JMY: variants seen among roughly 807,000 people sequenced by gnomAD.
The protein encoded by JMY is junction mediating and regulatory protein, p53 cofactor, also known as junction-mediating and -regulatory protein.
Under a neutral mutation model 103.3 loss-of-function variants are expected in JMY, and 46 were observed. The ratio of observed to expected loss-of-function variants is 0.45; its 90% CI spans 0.35 to 0.57. JMY has a LOEUF of 0.57. Ranked by LOEUF, JMY falls within the 20% of genes least tolerant of loss-of-function variation. JMY has a pLI of 0.00. For missense variants in JMY, 1,238 were observed against 1,255.2 expected, an observed-to-expected ratio of 0.99 and a Z score of 0.21; for synonymous variants, 526 against 489.3, an observed-to-expected ratio of 1.07 and a Z score of -0.99.
chr5:79,300,376 T>C, intron 5 of JMY, 58 bp downstream of exon 5: 2 of 1,415,148 alleles, frequency 1.4e-6, no homozygotes, highest in Non-Finnish European at 1.9e-6. Context: ...GAGAAAATAC[T>C]TATGGACTAG....
chr5:79,261,400 T>C (rs1393209196), intron 1 of JMY, among the ~76,000 whole-genome samples: 1 of 151,772 alleles, frequency 6.6e-6, no homozygotes, highest in African/African-American at 2.4e-5. Context: ...ATAATAATAA[T>C]CAAAAAATTA....
chr5:79,259,809 T>C (rs1035294328), intron 1 of JMY, among the ~76,000 whole-genome samples: 63 of 152,196 alleles, frequency 4.1e-4, no homozygotes, highest in African/African-American at 1.4e-3. Flanking sequence ...CCTCCGAGCC[T>C]GCAGGGGCAA....
chr5:79,302,248 C>T (rs1238413783), intron 6 of JMY, among the ~76,000 whole-genome samples: 1 of 152,038 alleles, frequency 6.6e-6, no homozygotes, highest in Non-Finnish European at 1.5e-5. Flanking sequence ...TTTTGAGACT[C>T]GGAATTTGCA....
chr5:79,265,242 C>T (rs1040206072), intron 1 of JMY, among the ~76,000 whole-genome samples: 1 of 152,102 alleles, frequency 6.6e-6, no homozygotes. Flanking sequence ...GTTTTAGATT[C>T]AAGAAAAATG....
rs771901414 is a variant in JMY at position 79,237,532 on chromosome 5, C to T, written c.882C>T (p.Gly294=). The change falls in exon 1 of 11, where the codon GGC becomes GGT. Residue 294 remains glycine, a synonymous_variant. Transcript: ENST00000396137. ...GTTACCAGCTCCAGGTCTACCTGGG[C>T]CACGGCCTGGACACCTGCGGCTGGA... is the stretch of plus-strand genomic sequence containing the variant. ...TLCYQLQVYL[G]HGLDTCGWKI... 4 of 1,613,734 alleles carry T rather than the reference C, an allele frequency of 2.5e-6. No homozygotes were observed. In the South Asian group the frequency reaches 4.4e-5, roughly 18 times the overall value.
chr5:79,306,926 C>T (rs1002573844), intron 7 of JMY, among the ~76,000 whole-genome samples: 1 of 152,202 alleles, frequency 6.6e-6, no homozygotes, highest in Admixed American at 6.5e-5. Context: ...TCATCCCTCT[C>T]TCTCCCCAAG....
At chr5:79,250,034 G>A (rs1001561782) in intron 1 of JMY, among the ~76,000 whole-genome samples, 7 of 152,198 alleles carry the variant, frequency 4.6e-5, no homozygotes, top group Non-Finnish European at 8.8e-5. Context: ...AGTGCCTAGC[G>A]TGGTATCTAA....
At chr5:79,317,768 G>A (rs1212117501) in intron 10 of JMY, among the ~76,000 whole-genome samples, 2 of 152,232 alleles carry the variant, frequency 1.3e-5, no homozygotes, top group East Asian at 3.9e-4. Context: ...GCACGTTCAT[G>A]GCTCACTGCA....
intron 1 of JMY, among the ~76,000 whole-genome samples, chr5:79,248,394 C>T (rs574736198): frequency 6.6e-6 from 1 of 152,122 alleles, no homozygotes; most frequent in East Asian, 1.9e-4. Flanking sequence ...GCAGCCTCTG[C>T]CTCCCAGGTG....
chr5:79,307,347 C>G (rs534045624), intron 7 of JMY, among the ~76,000 whole-genome samples: 1 of 152,270 alleles, frequency 6.6e-6, no homozygotes, highest in African/African-American at 2.4e-5. Context: ...GTGGCTGTTC[C>G]ATTTTGAACT....
In JMY at chr5:79,270,482, A is replaced by AATATTTAAAGTAT. The variant is rs1561297721; in HGVS notation, c.1033-7421_1033-7420insAAGTATATATTTA. On this transcript the variant is annotated intron_variant, in intron 1 of 10. Coordinates refer to ENST00000396137, the MANE Select transcript of JMY (RefSeq NM_152405.5). ...AATATTTAAAATGTATATTTACATA[A>AATATTTAAAGTAT]ATATTTACATAAAATATATATTTAC... is the stretch of plus-strand genomic sequence containing the variant. Among the ~76,000 whole-genome samples, 22 of 102,080 alleles carry AATATTTAAAGTAT rather than the reference A, an allele frequency of 2.2e-4. 1 individual carries two copies. The highest frequency in any genetic ancestry group is 3.0e-4 in the South Asian group (1 of 3,300). The allele number at this position is 102,080 out of a possible 152,430, so 67.0% of individuals were successfully genotyped here.
intron 1 of JMY, among the ~76,000 whole-genome samples, chr5:79,275,286 G>A (rs972916880): frequency 6.0e-5 from 9 of 150,682 alleles, no homozygotes; most frequent in African/African-American, 1.2e-4. Flanking sequence ...TCAGCCTCCC[G>A]AGCAGCTGGG....
chr5:79,266,256 C>T (rs1229805285), intron 1 of JMY, among the ~76,000 whole-genome samples: 1 of 152,130 alleles, frequency 6.6e-6, no homozygotes, highest in Non-Finnish European at 1.5e-5. Context: ...GAAGCAGAGA[C>T]GATGTCTGTT....
At chr5:79,263,332 G>T (rs953175031) in intron 1 of JMY, among the ~76,000 whole-genome samples, 4 of 152,216 alleles carry the variant, frequency 2.6e-5, no homozygotes, top group Admixed American at 6.5e-5. Flanking sequence ...AAGGACAGCT[G>T]CCGAGAAGAC....
intron 1 of JMY, among the ~76,000 whole-genome samples, chr5:79,250,862 T>C (rs1745066454): frequency 6.6e-6 from 1 of 152,074 alleles, no homozygotes; most frequent in Admixed American, 6.6e-5. Context: ...ACATGTTTAC[T>C]GTGGTTTGGG....
rs1266355096 is a variant in JMY at position 79,316,084 on chromosome 5, CT to C, written c.2748del (p.Pro917LeufsTer13). 1 of 1,614,034 alleles carries C rather than the reference CT, an allele frequency of 6.2e-7. No homozygotes were observed. Among genetic ancestry groups the C allele is most frequent in the Non-Finnish European group, 8.5e-7 (1 of 1,180,008 alleles). On this transcript the variant is annotated frameshift_variant, in exon 10 of 11. Coordinates refer to ENST00000396137, the MANE Select transcript of JMY (RefSeq NM_152405.5). LOFTEE classifies it high-confidence loss of function. The stretch of plus-strand genomic sequence containing the variant: ...AAGGTTGAACAGCGAACTCTGCCTC[CT>C]TTTCCTGATGAAGATGATAGTAATA... ...LKKVEQRTLP[P>X]FPDEDDSNNI...
chr5:79,278,154 T>C, intron 2 of JMY, 71 bp downstream of exon 2: 1 of 1,061,168 alleles, frequency 9.4e-7, no homozygotes, highest in Middle Eastern at 2.2e-4. Flanking sequence ...CCATGCGTTA[T>C]CCACAAGAGG....
chr5:79,300,784 A>G lies in JMY; in HGVS notation c.1802A>G (p.Lys601Arg), dbSNP rs1372998042. 6.2e-7 allele frequency: 1 copy of G among 1,612,390 alleles called. No homozygotes were observed. The highest frequency in any genetic ancestry group is 1.3e-5 in the African/African-American group (1 of 74,922). The change falls in exon 6 of 11, where the codon AAA (lysine) becomes AGA (arginine). Residue 601 changes from lysine to arginine, a missense_variant. Coordinates refer to ENST00000396137, the MANE Select transcript of JMY (RefSeq NM_152405.5). ...SAYLQREELQ[K>R]LQQKARQLEA... ...TACTTACAGAGAGAAGAGCTGCAGA[A>G]ACTTCAGCAGAAAGCACGCCAGCTG... is the stretch of plus-strand genomic sequence containing the variant.
chr5:79,271,743 G>T (rs1351596800), intron 1 of JMY, among the ~76,000 whole-genome samples: 1 of 152,038 alleles, frequency 6.6e-6, no homozygotes, highest in Non-Finnish European at 1.5e-5. Flanking sequence ...AATGTACTTT[G>T]AAGTTCCATT....
Sources: gnomAD v4.1 joint callset for allele counts (sites outside exome capture counted in the v4.1 genomes callset) on GRCh38, gnomAD v4.1.1 for gene constraint, MANE v1.5 for transcripts, NCBI Gene and HGNC (gene_info 2026-07-23, HGNC 2026-07-21) for gene names.